MCPH1: variants seen among roughly 807,000 people sequenced by gnomAD.
MCPH1 encodes the protein microcephalin 1.
In MCPH1, 104 loss-of-function variants were observed where a neutral mutation model predicts 84.5. That is an observed-to-expected ratio of 1.23 (90% CI 1.05 to 1.45). The LOEUF (loss-of-function observed/expected upper bound fraction) is 1.45. Ranked by LOEUF, MCPH1 falls within the 40% of genes most tolerant of loss-of-function variation. The pLI is 0.00. For missense variants in MCPH1, 1,498 were observed against 1,005.7 expected, an observed-to-expected ratio of 1.49 and a Z score of -6.62; for synonymous variants, 514 against 366.8, an observed-to-expected ratio of 1.40 and a Z score of -4.58.
At chr8:6,539,011 C>T (rs971052270) in intron 12 of MCPH1, among the ~76,000 whole-genome samples, 1 of 144,460 alleles carries the variant, frequency 6.9e-6, no homozygotes, top group African/African-American at 2.6e-5. Context: ...TCTCCTCCCC[C>T]TCCTTTTAGA....
chr8:6,536,071 A>T (rs1052097739), intron 12 of MCPH1, among the ~76,000 whole-genome samples: 9 of 152,138 alleles, frequency 5.9e-5, no homozygotes, highest in Non-Finnish European at 1.5e-5. Flanking sequence ...AAAGAAAAAA[A>T]TTAAAATTAA....
chr8:6,637,053 AT>A (rs1797605936), intron 13 of MCPH1, among the ~76,000 whole-genome samples: 1 of 152,240 alleles, frequency 6.6e-6, no homozygotes, highest in South Asian at 2.1e-4. Context: ...CTGCTGTATT[AT>A]TAGACTGGGC....
At chr8:6,523,331 A>T (rs771082533) in intron 12 of MCPH1, among the ~76,000 whole-genome samples, 1 of 152,128 alleles carries the variant, frequency 6.6e-6, no homozygotes, top group East Asian at 1.9e-4. Flanking sequence ...GAGAGCTGGT[A>T]AAATTATGCC....
chr8:6,642,112 C>T (rs993384997), intron 13 of MCPH1, among the ~76,000 whole-genome samples: 4 of 152,188 alleles, frequency 2.6e-5, no homozygotes, highest in African/African-American at 7.2e-5. Flanking sequence ...TAGCTTTCCA[C>T]CTTCCATCAC....
intron 12 of MCPH1, among the ~76,000 whole-genome samples, chr8:6,526,420 G>A (rs896593648): frequency 1.3e-5 from 2 of 151,750 alleles, no homozygotes; most frequent in Admixed American, 1.3e-4. Flanking sequence ...GGCAACCAGA[G>A]TGAGACCCTG....
At chr8:6,568,855 T>C (rs1389901643) in intron 12 of MCPH1, among the ~76,000 whole-genome samples, 2 of 152,238 alleles carry the variant, frequency 1.3e-5, no homozygotes, top group Non-Finnish European at 2.9e-5. Context: ...TGCTGCAGAC[T>C]TATTTGGGCA....
chr8:6,514,348 C>A (rs1244046509), intron 12 of MCPH1, among the ~76,000 whole-genome samples: 1 of 152,122 alleles, frequency 6.6e-6, no homozygotes, highest in Admixed American at 6.5e-5. Flanking sequence ...CACCACCACA[C>A]CTGGCTAATA....
intron 3 of MCPH1, among the ~76,000 whole-genome samples, chr8:6,420,600 T>C (rs893219173): frequency 6.6e-6 from 1 of 152,150 alleles, no homozygotes; most frequent in Non-Finnish European, 1.5e-5. Flanking sequence ...CATCTTCTTA[T>C]GGAGTCCATT....
At chr8:6,509,748 C>T (rs1380034403) in intron 12 of MCPH1, among the ~76,000 whole-genome samples, 1 of 152,160 alleles carries the variant, frequency 6.6e-6, no homozygotes, top group Non-Finnish European at 1.5e-5. Flanking sequence ...GCATGGAATA[C>T]ACCTGACCTT....
intron 8 of MCPH1, among the ~76,000 whole-genome samples, chr8:6,451,067 T>G (rs1480252957): frequency 6.6e-6 from 1 of 152,236 alleles, no homozygotes; most frequent in Non-Finnish European, 1.5e-5. Flanking sequence ...ATTACTATTG[T>G]TGCAAATAAA....
At chr8:6,514,545 T>A (rs1255011428) in intron 12 of MCPH1, 1 of 780,970 alleles carries the variant, frequency 1.3e-6, no homozygotes, top group Admixed American at 2.1e-5. Flanking sequence ...AAGGGGAGAC[T>A]GAAGCACCAA....
chr8:6,419,152 G>GACACACACACACACAC (rs1177481281), intron 3 of MCPH1, among the ~76,000 whole-genome samples: 6 of 59,354 alleles, frequency 1.0e-4, no homozygotes, highest in African/African-American at 2.8e-4. Context: ...CACACACACA[G>GACACACACACACACAC]ACACACACAC....
chr8:6,510,248 G>A (rs1306124108), intron 12 of MCPH1, among the ~76,000 whole-genome samples: 2 of 151,976 alleles, frequency 1.3e-5, no homozygotes, highest in Non-Finnish European at 2.9e-5. Flanking sequence ...ATCAGAGCAG[G>A]CATTCACGTA....
At chr8:6,474,558 G>C (rs1340244734) in intron 9 of MCPH1, among the ~76,000 whole-genome samples, 1 of 152,062 alleles carries the variant, frequency 6.6e-6, no homozygotes, top group Non-Finnish European at 1.5e-5. Flanking sequence ...AAAAATTATT[G>C]TTAAAAAAAG....
rs142223390 is a variant in MCPH1 at position 6,611,000 on chromosome 8, C to A, written c.2215-10454C>A. Among the ~76,000 whole-genome samples, 972 of 152,236 alleles carry A rather than the reference C, an allele frequency of 6.4e-3. 5 individuals are homozygous for A. The highest frequency in any genetic ancestry group is 0.011 in the Admixed American group (174 of 15,290). On this transcript the variant is annotated intron_variant, in intron 12 of 13. Transcript: ENST00000344683. ...CCTCTACTCAGATGTCTCCCAGACC[C>A]CTCTCCAGCTGCAAGCTGCAGGCAG...
chr8:6,469,339 G>C (rs1044232927), intron 9 of MCPH1, among the ~76,000 whole-genome samples: 2 of 152,158 alleles, frequency 1.3e-5, no homozygotes, highest in Non-Finnish European at 2.9e-5. Context: ...CTTGTTTAAA[G>C]ATCTGGGATC....
intron 12 of MCPH1, among the ~76,000 whole-genome samples, chr8:6,523,757 T>C (rs540495164): frequency 6.6e-6 from 1 of 152,242 alleles, no homozygotes; most frequent in Non-Finnish European, 1.5e-5. Context: ...CCAGCTAATT[T>C]TTTGTATTTT....
At chr8:6,465,868 A>G (rs1806831344) in intron 9 of MCPH1, among the ~76,000 whole-genome samples, 1 of 152,142 alleles carries the variant, frequency 6.6e-6, no homozygotes, top group Non-Finnish European at 1.5e-5. Context: ...TTTCCCAGGA[A>G]AAATTTATGT....
At chr8:6,545,110 C>G (rs564415711) in intron 12 of MCPH1, among the ~76,000 whole-genome samples, 1 of 151,992 alleles carries the variant, frequency 6.6e-6, no homozygotes, top group East Asian at 1.9e-4. Context: ...TGATCCATTT[C>G]CATGAAGCTC....
Sources: allele counts gnomAD v4.1 joint callset (sites outside exome capture counted in the v4.1 genomes callset), GRCh38; gene constraint gnomAD v4.1.1; transcripts MANE v1.5; gene names NCBI Gene and HGNC (gene_info 2026-07-23, HGNC 2026-07-21).